KLHL7: variants seen among roughly 807,000 people sequenced by gnomAD.
The protein encoded by KLHL7 is kelch-like protein 7.
KLHL7 carries 44 observed loss-of-function variants against 67.4 expected under a neutral mutation model. That is an observed-to-expected ratio of 0.65 (90% CI 0.51 to 0.84). KLHL7 has a LOEUF of 0.84. KLHL7 is among the 40% of genes least tolerant of loss of function. The pLI, the probability that KLHL7 is intolerant of heterozygous loss-of-function variation, is 0.00. For synonymous variants in KLHL7, 252 were observed against 243.3 expected (o/e 1.04, Z -0.33); for missense variants, 362 against 718.1 (o/e 0.50, Z 5.67).
chr7:23,157,588 A>G lies in KLHL7; in HGVS notation c.936+5379A>G, dbSNP rs377674523. Reference sequence around the variant, plus strand: ...TCTCAGTTATATGCTCTGGTTTCCTAGAAGGTCTTCCAAAATAGAGAGTCT... The same window carrying G: ...TCTCAGTTATATGCTCTGGTTTCCTGGAAGGTCTTCCAAAATAGAGAGTCT... On this transcript the variant is annotated intron_variant, in intron 7 of 10. Coordinates refer to ENST00000339077, the MANE Select transcript of KLHL7 (RefSeq NM_001031710.3). 6.1e-4 allele frequency among the ~76,000 whole-genome samples: 63 copies of G among 102,516 alleles called. No individual in the cohort carries two copies. The East Asian group carries it at 0.014, about 23-fold the overall frequency. 67.3% of individuals were successfully genotyped at this position (102,516 alleles called of 152,430 possible).
At chr7:23,173,557 G>A (rs1785224993) in intron 10 of KLHL7, among the ~76,000 whole-genome samples, 1 of 152,120 alleles carries the variant, frequency 6.6e-6, no homozygotes, top group Non-Finnish European at 1.5e-5. Flanking sequence ...AAGGGAGTCG[G>A]AACTGAATCT....
chr7:23,107,457 A>G (rs1484474012), intron 1 of KLHL7, among the ~76,000 whole-genome samples: 1 of 152,174 alleles, frequency 6.6e-6, no homozygotes, highest in Non-Finnish European at 1.5e-5. Context: ...CACTCCCTCG[A>G]ATATATGTTT....
chr7:23,118,844 G>T (rs550139168), intron 1 of KLHL7, among the ~76,000 whole-genome samples: 1 of 152,178 alleles, frequency 6.6e-6, no homozygotes, highest in African/African-American at 2.4e-5. Context: ...GGCCAAGGTA[G>T]TAAGATTGCT....
At chr7:23,147,269 T>A (rs1446614255) in intron 6 of KLHL7, among the ~76,000 whole-genome samples, 2 of 152,132 alleles carry the variant, frequency 1.3e-5, no homozygotes, top group East Asian at 3.9e-4. Flanking sequence ...TTTGTATTTT[T>A]AGCAGAGACA....
chr7:23,126,783 A>G (rs1036318042), intron 4 of KLHL7, among the ~76,000 whole-genome samples: 1 of 152,228 alleles, frequency 6.6e-6, no homozygotes, highest in Non-Finnish European at 1.5e-5. Context: ...GGGAATAAAA[A>G]TGAGACTTAG....
intron 5 of KLHL7, among the ~76,000 whole-genome samples, chr7:23,141,467 C>A (rs1446637839): frequency 6.6e-6 from 1 of 152,228 alleles, no homozygotes; most frequent in East Asian, 1.9e-4. Context: ...GTGGTTTCTC[C>A]TGTAGAGTCT....
chr7:23,154,151 T>C (rs1852635), intron 7 of KLHL7, among the ~76,000 whole-genome samples: 140,848 of 152,184 alleles, frequency 0.93, 65,365 homozygotes, highest in East Asian at 0.99. Flanking sequence ...GTCAGGAGTT[T>C]GAGACCAGCC....
At chr7:23,125,954 T>C in intron 4 of KLHL7, 1 of 988,582 alleles carries the variant, frequency 1.0e-6, no homozygotes, top group Non-Finnish European at 1.6e-6. Context: ...TACTGTGTTT[T>C]TTATGATACA....
intron 4 of KLHL7, among the ~76,000 whole-genome samples, chr7:23,128,538 TA>T (rs1160414137): frequency 1.3e-4 from 19 of 151,828 alleles, no homozygotes; most frequent in African/African-American, 4.6e-4. Flanking sequence ...ATTCTAGTGA[TA>T]TTTTTCACCT....
chr7:23,164,937 G>A (rs1784957158), intron 7 of KLHL7, among the ~76,000 whole-genome samples: 1 of 152,192 alleles, frequency 6.6e-6, no homozygotes, highest in Non-Finnish European at 1.5e-5. Flanking sequence ...AAAAGAGAGG[G>A]TCCAAGATAC....
intron 1 of KLHL7, among the ~76,000 whole-genome samples, chr7:23,117,165 G>A (rs907504678): frequency 7.5e-6 from 1 of 133,800 alleles, no homozygotes; most frequent in Admixed American, 9.0e-5. Flanking sequence ...TCAGCTCACT[G>A]CAACCTCTGC....
chr7:23,115,835 G>A (rs1024008884), intron 1 of KLHL7, among the ~76,000 whole-genome samples: 10 of 152,162 alleles, frequency 6.6e-5, no homozygotes, highest in Admixed American at 3.3e-4. Context: ...GAGCCACTGC[G>A]ACTGGCCAGG....
chr7:23,134,573 G>A (rs1380655308), intron 4 of KLHL7, among the ~76,000 whole-genome samples: 2 of 152,098 alleles, frequency 1.3e-5, no homozygotes, highest in African/African-American at 2.4e-5. Context: ...ATCAGGGAAG[G>A]CATCAGGTCC....
At position 23,147,094 on chromosome 7, in the gene KLHL7, C is replaced by CTTT. The variant is rs397889904; in HGVS notation, c.793+3085_793+3087dup. Among the ~76,000 whole-genome samples the CTTT allele has an allele frequency of 1.4e-4, 17 of 118,576 alleles. 3 individuals carry two copies. The highest frequency in any genetic ancestry group is 3.1e-4 in the African/African-American group (10 of 32,502). 77.8% of individuals were successfully genotyped at this position (118,576 alleles called of 152,430 possible). ...TCTATGTATTACTTATTAACCTGGACTTTTTTTTTTTTTTTTTTAGACAGT... is the reference window on the plus strand; with the variant it reads ...TCTATGTATTACTTATTAACCTGGACTTTTTTTTTTTTTTTTTTTTTAGACAGT... On this transcript the variant is annotated intron_variant, in intron 6 of 10. Transcript: ENST00000339077.
chr7:23,144,649 C>T (rs1031041773), intron 6 of KLHL7, among the ~76,000 whole-genome samples: 1 of 152,186 alleles, frequency 6.6e-6, no homozygotes, highest in Non-Finnish European at 1.5e-5. Context: ...TTTCACTCCT[C>T]TCCTGTTAGA....
At chr7:23,167,765 T>C in intron 8 of KLHL7, 71 bp from the exon 9 acceptor site, 1 of 1,359,160 alleles carries the variant, frequency 7.4e-7, no homozygotes, top group Non-Finnish European at 1.0e-6. Context: ...ACTAATAAGA[T>C]CTACAGTCAG....
In KLHL7 at chr7:23,116,705, C is replaced by T. The variant is rs187183852; in HGVS notation, c.121-7072C>T. The stretch of plus-strand genomic sequence containing the variant: ...AATTAGCTCAGCTACTGCCAGCCGT[C>T]ACTACTCTCAGAAAGGTAATTCTAA... On this transcript the variant is annotated intron_variant, in intron 1 of 10. Coordinates refer to ENST00000339077, the MANE Select transcript of KLHL7 (RefSeq NM_001031710.3). Among the ~76,000 whole-genome samples the T allele has an allele frequency of 2.1e-4, 32 of 152,302 alleles. No individual in the cohort carries two copies. In the East Asian group the frequency reaches 5.8e-3, roughly 28 times the overall value.
chr7:23,174,436 G>C lies in KLHL7; in HGVS notation c.*138G>C. ...AGTGAAATGAGGTTCCTATAAAATAGATGTTTCTTTTATATGGATTTCCTT... is the reference window on the plus strand; with the variant it reads ...AGTGAAATGAGGTTCCTATAAAATACATGTTTCTTTTATATGGATTTCCTT... On this transcript the variant is annotated 3_prime_UTR_variant, in exon 11 of 11. Transcript: ENST00000339077. 1.2e-6 allele frequency: 1 copy of C among 854,738 alleles called. No homozygotes were observed. The highest frequency in any genetic ancestry group is 1.9e-6 in the Non-Finnish European group (1 of 520,148). 52.9% of individuals were successfully genotyped at this position (854,738 alleles called of 1,614,324 possible).
Position 23,159,012 on chromosome 7 carries a change from C to T in KLHL7, c.937-6686C>T, listed in dbSNP as rs545238737. On this transcript the variant is annotated intron_variant, in intron 7 of 10. Coordinates refer to ENST00000339077, the MANE Select transcript of KLHL7 (RefSeq NM_001031710.3). ...AATCCTGGGTATGAATGCATCTTGA[C>T]TTGGTGAGTATGATTATTAAAATTT... Among the ~76,000 whole-genome samples, 25 of 152,192 alleles carry T rather than the reference C, an allele frequency of 1.6e-4. No individual in the cohort carries two copies. The South Asian group carries it at 5.2e-3, about 32-fold the overall frequency.
Sources: gnomAD v4.1 joint callset for allele counts (sites outside exome capture counted in the v4.1 genomes callset) on GRCh38, gnomAD v4.1.1 for gene constraint, MANE v1.5 for transcripts, NCBI Gene and HGNC (gene_info 2026-07-23, HGNC 2026-07-21) for gene names.